The following NFATC1 variants were observed in gnomAD, a reference collection of about 807,000 sequenced individuals.
NFATC1 encodes nuclear factor of activated T cells 1.
A neutral mutation model predicts 76.0 loss-of-function variants in NFATC1; 22 were observed. The observed-to-expected ratio is 0.29, with a 90% CI of 0.21 to 0.41. The LOEUF (loss-of-function observed/expected upper bound fraction) is 0.41. Among genes scored for constraint, NFATC1 ranks in the 10% least tolerant of loss-of-function variants. The probability of loss-of-function intolerance (pLI) is 1.00; values close to 1 mark genes in which losing one functional copy is unlikely to be tolerated. For synonymous variants in NFATC1, 704 were observed against 613.1 expected (o/e 1.15, Z -2.19); for missense variants, 1,357 against 1,337.7 (o/e 1.01, Z -0.23).
rs1051595238 is a variant in NFATC1, at chr18:79,465,954, C to T, written c.1960-1496C>T. 6.6e-5 allele frequency among the ~76,000 whole-genome samples: 10 copies of T among 152,330 alleles called. No homozygotes were observed. The highest frequency in any genetic ancestry group is 1.9e-4 in the East Asian group (1 of 5,178). On this transcript the variant is annotated intron_variant, in intron 7 of 9. Coordinates refer to ENST00000427363, the MANE Select transcript of NFATC1 (RefSeq NM_001278669.2). This position sits in a 1 kb window ranked among gnomAD's most constrained non-coding sequence, Gnocchi z 4.2. ...CAGCTCCCCTGGGGCAGCTCTGATG[C>T]GGGGCAAAGGCAGGAAGACGCCCAT...
intron 2 of NFATC1, among the ~76,000 whole-genome samples, chr18:79,423,354 T>C (rs1399045256): frequency 6.6e-6 from 1 of 152,222 alleles, no homozygotes; most frequent in East Asian, 1.9e-4. Context: ...GGGCCGCAGC[T>C]GTGGCACTCC....
chr18:79,423,314 A>T (rs1600664828), intron 2 of NFATC1, among the ~76,000 whole-genome samples: 1 of 152,150 alleles, frequency 6.6e-6, no homozygotes, highest in Non-Finnish European at 1.5e-5. Context: ...CTTTGGTTTG[A>T]GTTCCTGGGC....
intron 3 of NFATC1, among the ~76,000 whole-genome samples, chr18:79,441,565 G>T (rs1568965980): frequency 1.3e-5 from 2 of 152,128 alleles, no homozygotes; most frequent in African/African-American, 4.8e-5. Flanking sequence ...TCCCGGCTGT[G>T]GGTGGGCTGT....
intron 9 of NFATC1, among the ~76,000 whole-genome samples, chr18:79,512,744 G>A (rs1169188324): frequency 6.6e-6 from 1 of 152,236 alleles, no homozygotes; most frequent in African/African-American, 2.4e-5. Context: ...GAACAGTGGA[G>A]CCTGCACACG....
intron 9 of NFATC1, among the ~76,000 whole-genome samples, chr18:79,517,121 A>G (rs941428538): frequency 3.3e-5 from 5 of 152,236 alleles, no homozygotes; most frequent in Admixed American, 2.0e-4. Flanking sequence ...GAGTACAGCA[A>G]ATGTCATTGG....
At chr18:79,462,551 G>C (rs571423244) in intron 7 of NFATC1, among the ~76,000 whole-genome samples, 1 of 152,072 alleles carries the variant, frequency 6.6e-6, no homozygotes, top group Non-Finnish European at 1.5e-5. Context: ...TGATCCGCCC[G>C]CCTCGGCCTC....
At chr18:79,513,734 C>T (rs1008287898) in intron 9 of NFATC1, among the ~76,000 whole-genome samples, 4 of 152,216 alleles carry the variant, frequency 2.6e-5, no homozygotes, top group Non-Finnish European at 5.9e-5. Context: ...CTGCATCTGC[C>T]GGGGGTGTGT....
intron 9 of NFATC1, among the ~76,000 whole-genome samples, chr18:79,510,107 T>A (rs1311941092): frequency 6.6e-6 from 1 of 152,252 alleles, no homozygotes; most frequent in African/African-American, 2.4e-5. Context: ...AAATTAGTGC[T>A]TAGTTTTCCA....
At chr18:79,464,716 T>A (rs2088376861) in intron 7 of NFATC1, among the ~76,000 whole-genome samples, 1 of 88,206 alleles carries the variant, frequency 1.1e-5, no homozygotes, top group Non-Finnish European at 2.4e-5. Context: ...ATTTATTTTT[T>A]TTTTTTTGAG....
At chr18:79,424,861 CTG>C (rs1229615044) in intron 2 of NFATC1, among the ~76,000 whole-genome samples, 5 of 138,480 alleles carry the variant, frequency 3.6e-5, no homozygotes, top group Non-Finnish European at 5.0e-5. Flanking sequence ...CTGTCTCTCT[CTG>C]TCTCTCCATC....
At chr18:79,468,909 G>GGGAGCCTCATGCTCT in intron 8 of NFATC1, 1 of 147,408 alleles carries the variant, frequency 6.8e-6, no homozygotes, top group African/African-American at 2.7e-5. Flanking sequence ...CCGGGATTGT[G>GGGAGCCTCATGCTCT]GGGAAGAGCC....
At chr18:79,504,747 C>T (rs937545343) in intron 9 of NFATC1, among the ~76,000 whole-genome samples, 3 of 152,076 alleles carry the variant, frequency 2.0e-5, no homozygotes, top group Admixed American at 1.3e-4. Context: ...ACAAAAGGCG[C>T]AGCTCTGGAG....
chr18:79,484,479 T>C (rs181801735), intron 8 of NFATC1, among the ~76,000 whole-genome samples: 1 of 152,206 alleles, frequency 6.6e-6, no homozygotes, highest in Admixed American at 6.5e-5. Flanking sequence ...GCGGACGCTT[T>C]AAACCTCGAT....
At chr18:79,418,511 G>A (rs7237333) in intron 2 of NFATC1, among the ~76,000 whole-genome samples, 13,921 of 152,262 alleles carry the variant, frequency 0.091, 771 homozygotes, top group Non-Finnish European at 0.11. Flanking sequence ...CTGGCCTTCT[G>A]CTCTCGTCAC....
chr18:79,476,883 A>G (rs2089095392), intron 8 of NFATC1, among the ~76,000 whole-genome samples: 1 of 152,224 alleles, frequency 6.6e-6, no homozygotes, highest in African/African-American at 2.4e-5. Context: ...CCGGAAGATC[A>G]TGCCTTCCTG....
chr18:79,467,174 T>C (rs2088542134), intron 7 of NFATC1, among the ~76,000 whole-genome samples: 1 of 152,218 alleles, frequency 6.6e-6, no homozygotes, highest in African/African-American at 2.4e-5. Context: ...GCCCCTTCCC[T>C]GTGAGCGTGC....
intron 4 of NFATC1, among the ~76,000 whole-genome samples, chr18:79,450,414 A>T (rs1004157357): frequency 6.7e-6 from 1 of 148,462 alleles, no homozygotes; most frequent in Non-Finnish European, 1.5e-5. Flanking sequence ...TATATATTTT[A>T]TATAATTATA....
Position 79,484,784 on chromosome 18 carries a change from C to T in NFATC1, c.2093-1464C>T, listed in dbSNP as rs188280526. ...AGTCCCTGTGATGCCTCCAGTGTGG[C>T]GGGAAGGTGGCTTGGCCACCATGGA... On this transcript the variant is annotated intron_variant, in intron 8 of 9. Transcript: ENST00000427363. Among the ~76,000 whole-genome samples, 21 of 152,292 alleles carry T rather than the reference C, an allele frequency of 1.4e-4. 1 individual carries two copies. Among genetic ancestry groups the T allele is most frequent in the African/African-American group, 3.8e-4 (16 of 41,560 alleles).
rs557295797 is a variant in NFATC1 at position 79,450,917 on chromosome 18, C to T, written c.1590-37C>T. 6.9e-6 allele frequency: 11 copies of T among 1,597,264 alleles called. No homozygotes were observed. In the African/African-American group the frequency reaches 9.4e-5, roughly 14 times the overall value. Reference sequence around the variant, plus strand: ...CAGGCCTTTACGCTCCCGCGTCAGCCATTGAAAGAAAAGCTGTGGGCTTTT... The same window carrying T: ...CAGGCCTTTACGCTCCCGCGTCAGCTATTGAAAGAAAAGCTGTGGGCTTTT... On this transcript the variant is annotated intron_variant, in intron 4 of 9. Coordinates refer to ENST00000427363, the MANE Select transcript of NFATC1 (RefSeq NM_001278669.2).
Sources: allele counts gnomAD v4.1 joint callset (sites outside exome capture counted in the v4.1 genomes callset), GRCh38; gene constraint gnomAD v4.1.1; non-coding constraint Gnocchi (gnomAD v3.1); transcripts MANE v1.5; gene names NCBI Gene and HGNC (gene_info 2026-07-23, HGNC 2026-07-21).